The following KIAA1217 variants were observed in gnomAD, a reference collection of about 807,000 sequenced individuals.
KIAA1217 encodes KIAA1217.
KIAA1217 carries 88 observed loss-of-function variants against 163.9 expected under a neutral mutation model. The observed-to-expected ratio is 0.54, with a 90% CI of 0.45 to 0.64. KIAA1217 has a LOEUF of 0.64. KIAA1217 is among the 30% of genes least tolerant of loss of function. The probability of loss-of-function intolerance (pLI) is 0.00; values close to 1 mark genes in which losing one functional copy is unlikely to be tolerated. For missense variants in KIAA1217, 2,372 were observed against 2,475.0 expected, an observed-to-expected ratio of 0.96 and a Z score of 0.88; for synonymous variants, 903 against 923.1, an observed-to-expected ratio of 0.98 and a Z score of 0.39.
At chr10:24,168,461 G>C (rs1315268039) in intron 2 of KIAA1217, among the ~76,000 whole-genome samples, 1 of 152,192 alleles carries the variant, frequency 6.6e-6, no homozygotes, top group African/African-American at 2.4e-5. Context: ...CTGAAATCCA[G>C]CAGAACATTT....
chr10:24,181,797 T>C (rs2066183173), intron 2 of KIAA1217, among the ~76,000 whole-genome samples: 1 of 151,910 alleles, frequency 6.6e-6, no homozygotes, highest in African/African-American at 2.4e-5. Context: ...AAGGGAAGTG[T>C]CAAGGATGTC....
intron 1 of KIAA1217, among the ~76,000 whole-genome samples, chr10:23,888,239 G>A (rs1841267080): frequency 6.6e-6 from 1 of 151,804 alleles, no homozygotes; most frequent in South Asian, 2.1e-4. Context: ...TAAACCTTGG[G>A]ACTAGATTTA....
chr10:24,071,035 C>T (rs1461081199), intron 2 of KIAA1217, among the ~76,000 whole-genome samples: 1 of 151,952 alleles, frequency 6.6e-6, no homozygotes, highest in East Asian at 1.9e-4. Context: ...ACAAATCACT[C>T]TATCTGTGAG....
chr10:24,248,525 G>T (rs2074091024), intron 2 of KIAA1217, among the ~76,000 whole-genome samples: 1 of 151,864 alleles, frequency 6.6e-6, no homozygotes, highest in South Asian at 2.1e-4. Context: ...ATAAAAATTA[G>T]CCGGGCATGG....
At chr10:24,243,225 C>T in intron 2 of KIAA1217, among the ~76,000 whole-genome samples, 1 of 152,058 alleles carries the variant, frequency 6.6e-6, no homozygotes, top group East Asian at 1.9e-4. Context: ...GCCAAAACTC[C>T]AAATAGGTTT....
intron 1 of KIAA1217, among the ~76,000 whole-genome samples, chr10:23,697,928 C>T (rs1240522848): frequency 6.6e-6 from 1 of 150,554 alleles, no homozygotes; most frequent in African/African-American, 2.4e-5. Flanking sequence ...ACTCCTTTTT[C>T]AGTGTTTATC....
chr10:24,315,938 G>A (rs948266002), intron 2 of KIAA1217, among the ~76,000 whole-genome samples: 5 of 145,528 alleles, frequency 3.4e-5, no homozygotes, highest in Non-Finnish European at 7.5e-5. Context: ...ATGGGGGGGG[G>A]GAATCCAAGG....
At chr10:24,516,506 A>G (rs1267277131) in intron 10 of KIAA1217, among the ~76,000 whole-genome samples, 1 of 152,250 alleles carries the variant, frequency 6.6e-6, no homozygotes, top group Non-Finnish European at 1.5e-5. Context: ...AGGAATCTGC[A>G]GTTTACAAAC....
chr10:24,264,641 A>C (rs1156426391), intron 2 of KIAA1217, among the ~76,000 whole-genome samples: 1 of 152,186 alleles, frequency 6.6e-6, no homozygotes, highest in Non-Finnish European at 1.5e-5. Flanking sequence ...CTTGTGCTGA[A>C]AAAACAATGC....
chr10:24,433,691 A>G (rs1386450281), intron 4 of KIAA1217, among the ~76,000 whole-genome samples: 1 of 152,150 alleles, frequency 6.6e-6, no homozygotes, highest in Non-Finnish European at 1.5e-5. Flanking sequence ...AACTTTCCCA[A>G]TTCCCCCTCA....
chr10:24,297,487 A>G (rs2040768714), intron 2 of KIAA1217, among the ~76,000 whole-genome samples: 1 of 152,204 alleles, frequency 6.6e-6, no homozygotes, highest in Non-Finnish European at 1.5e-5. Context: ...GCAGTGTCTC[A>G]TGCCTGTAAT....
rs144071142 is a variant in KIAA1217, at chr10:23,798,253, C to T, written c.-321+103019C>T. Among the ~76,000 whole-genome samples, 497 of 152,264 alleles carry T rather than the reference C, an allele frequency of 3.3e-3. 2 individuals are homozygous for T. Among genetic ancestry groups the T allele is most frequent in the African/African-American group, 0.011 (457 of 41,560 alleles). On this transcript the variant is annotated intron_variant, in intron 1 of 18. Coordinates refer to the KIAA1217 transcript ENST00000376462. ...CCAAGCTCAAGAGGAAGACACAGAG[C>T]TTACCCTCGATGGAAGCAATATCAC... is the stretch of plus-strand genomic sequence containing the variant.
Position 23,790,473 on chromosome 10 carries a change from A to G in KIAA1217, c.-321+95239A>G, listed in dbSNP as rs1298991324. 6.2e-5 allele frequency among the ~76,000 whole-genome samples: 7 copies of G among 112,394 alleles called. 2 individuals are homozygous for G. The highest frequency in any genetic ancestry group is 8.7e-5 in the Non-Finnish European group (5 of 57,796). The allele number at this position is 112,394 out of a possible 152,430, so 73.7% of individuals were successfully genotyped here. ...TATACATGTGCATATATACATATAT[A>G]CATGTGCATATATACATATATACAT... On this transcript the variant is annotated intron_variant, in intron 1 of 18. Coordinates refer to the KIAA1217 transcript ENST00000376462.
At chr10:24,250,528 G>A (rs1330936230) in intron 2 of KIAA1217, among the ~76,000 whole-genome samples, 1 of 151,218 alleles carries the variant, frequency 6.6e-6, no homozygotes, top group Non-Finnish European at 1.5e-5. Flanking sequence ...CACCTCCCAG[G>A]TTCAAGCGAT....
intron 1 of KIAA1217, among the ~76,000 whole-genome samples, chr10:24,218,557 C>T (rs987633236): frequency 5.9e-5 from 9 of 151,484 alleles, no homozygotes; most frequent in Admixed American, 1.3e-4. Flanking sequence ...GGCGTGATCT[C>T]GGCTCACTGC....
intron 1 of KIAA1217, among the ~76,000 whole-genome samples, chr10:23,793,652 A>G (rs1836065012): frequency 6.6e-6 from 1 of 152,238 alleles, no homozygotes; most frequent in African/African-American, 2.4e-5. Flanking sequence ...GTTGCTAACC[A>G]TGCACATTTT....
intron 2 of KIAA1217, among the ~76,000 whole-genome samples, chr10:24,340,813 A>G (rs1231809293): frequency 6.6e-6 from 1 of 152,220 alleles, no homozygotes; most frequent in Non-Finnish European, 1.5e-5. Context: ...TTCTTCTGAG[A>G]TGTCAACCTC....
intron 3 of KIAA1217, among the ~76,000 whole-genome samples, chr10:24,422,901 C>CTTTT (rs58161228): frequency 0.023 from 2,809 of 120,432 alleles, 189 homozygotes; most frequent in African/African-American, 0.074. Context: ...ATAGATTTAA[C>CTTTT]TTTTTTTTTT....
At chr10:24,191,203 A>G (rs187736428) in intron 2 of KIAA1217, among the ~76,000 whole-genome samples, 3 of 152,262 alleles carry the variant, frequency 2.0e-5, no homozygotes, top group Non-Finnish European at 4.4e-5. Context: ...ACAAAAGATC[A>G]GTCACCTTGT....
Sources: gnomAD v4.1 joint callset for allele counts (sites outside exome capture counted in the v4.1 genomes callset) on GRCh38, gnomAD v4.1.1 for gene constraint, MANE v1.5 for transcripts, NCBI Gene and HGNC (gene_info 2026-07-23, HGNC 2026-07-21) for gene names.